Variants in GPATCH2 observed in about 807,000 individuals in gnomAD.
GPATCH2 encodes the protein G-patch domain containing 2.
In GPATCH2, 51 loss-of-function variants were observed where a neutral mutation model predicts 58.0. The ratio of observed to expected loss-of-function variants is 0.88; its 90% CI spans 0.70 to 1.11. GPATCH2 has a LOEUF of 1.11. GPATCH2 is among the 50% of genes most tolerant of loss of function. The pLI, the probability that GPATCH2 is intolerant of heterozygous loss-of-function variation, is 0.00. For missense variants in GPATCH2, 625 were observed against 652.2 expected (o/e 0.96, Z 0.45); for synonymous variants, 222 against 218.5 (o/e 1.02, Z -0.14).
intron 5 of GPATCH2, among the ~76,000 whole-genome samples, chr1:217,550,906 TTAAGA>T (rs1440803336): frequency 6.6e-6 from 1 of 150,446 alleles, no homozygotes; most frequent in Non-Finnish European, 1.5e-5. Context: ...CATGCAATAA[TTAAGA>T]TAAGTAATTA....
rs1663045150 is a variant in GPATCH2 at position 217,514,845 on chromosome 1, A to T, written c.1143T>A (p.Phe381Leu). ...GPVGNKRMVH[F>L]SPDSHHHDHW... is the part of the protein sequence containing the mutation. ...ACTCATGGTGATGAGAATCCGGGGA[A>T]AAATGAACCATTCTCTTGTTACCCA... Residue 381 changes from phenylalanine (F) to leucine (L), a missense_variant, in exon 6 of 10, where the codon TTT (phenylalanine) becomes TTA (leucine). By Grantham distance (22) the Phe-to-Leu change is conservative. Coordinates refer to ENST00000366935, the MANE Select transcript of GPATCH2 (RefSeq NM_018040.5). 2 of 1,530,570 alleles carry T rather than the reference A, an allele frequency of 1.3e-6. No homozygotes were observed. The highest frequency in any genetic ancestry group is 1.8e-6 in the Non-Finnish European group (2 of 1,104,088). The allele number at this position is 1,530,570 out of a possible 1,614,324, so 94.8% of individuals were successfully genotyped here. A position where few individuals can be genotyped will look rare whatever the true frequency, so the allele number is the denominator to read the frequency against.
At chr1:217,533,409 A>G (rs1016717052) in intron 5 of GPATCH2, among the ~76,000 whole-genome samples, 2 of 152,204 alleles carry the variant, frequency 1.3e-5, no homozygotes, top group African/African-American at 2.4e-5. Flanking sequence ...GTGAAAAAAT[A>G]AAGGTGAAAA....
chr1:217,494,755 A>G (rs775797302), intron 7 of GPATCH2, among the ~76,000 whole-genome samples: 4 of 152,014 alleles, frequency 2.6e-5, no homozygotes, highest in Non-Finnish European at 5.9e-5. Context: ...AAAAAAAAAG[A>G]AGACTCCCAA....
intron 6 of GPATCH2, among the ~76,000 whole-genome samples, chr1:217,502,369 T>C (rs1662350083): frequency 6.6e-6 from 1 of 152,036 alleles, no homozygotes; most frequent in African/African-American, 2.4e-5. Flanking sequence ...GTCTCTTCAT[T>C]TTTGTAGATC....
intron 2 of GPATCH2, among the ~76,000 whole-genome samples, chr1:217,618,368 C>T (rs139011046): frequency 4.0e-5 from 6 of 151,818 alleles, no homozygotes; most frequent in East Asian, 3.9e-4. Context: ...TCACCACACT[C>T]GGCTAATTTT....
intron 3 of GPATCH2, among the ~76,000 whole-genome samples, chr1:217,612,691 A>G (rs569842565): frequency 6.6e-6 from 1 of 152,288 alleles, no homozygotes; most frequent in African/African-American, 2.4e-5. Flanking sequence ...TATTACAGAA[A>G]AATAAAGTTA....
chr1:217,571,241 C>T (rs914629680), intron 5 of GPATCH2, among the ~76,000 whole-genome samples: 1 of 152,118 alleles, frequency 6.6e-6, no homozygotes, highest in African/African-American at 2.4e-5. Flanking sequence ...AACATACACA[C>T]ACTCTCTCTT....
chr1:217,610,815 T>C, intron 4 of GPATCH2, 74 bp downstream of exon 4: 1 of 1,044,096 alleles, frequency 9.6e-7, no homozygotes, highest in Non-Finnish European at 1.4e-6. Context: ...CCACTTTATC[T>C]TATCCTCCTT....
In GPATCH2 at chr1:217,530,201, C is replaced by T. The variant is rs568794408; in HGVS notation, c.1099-15312G>A. ...GTGGATTTCATCATTTTTTCCCCTC[C>T]AGTATAAAGTAGTTCTTAATAATGG... On this transcript the variant is annotated intron_variant, in intron 5 of 9. Transcript: ENST00000366935. 2.6e-5 allele frequency among the ~76,000 whole-genome samples: 4 copies of T among 152,226 alleles called. No homozygotes were observed. The South Asian group carries it at 8.3e-4, about 32-fold the overall frequency.
chr1:217,436,765 T>C (rs1658854334), intron 9 of GPATCH2, among the ~76,000 whole-genome samples: 1 of 152,182 alleles, frequency 6.6e-6, no homozygotes. Flanking sequence ...ATTTTGTAGA[T>C]GTAACTGATG....
At chr1:217,517,053 A>G (rs999507953) in intron 5 of GPATCH2, among the ~76,000 whole-genome samples, 56 of 152,344 alleles carry the variant, frequency 3.7e-4, no homozygotes, top group Middle Eastern at 3.4e-3. Flanking sequence ...TAAGCTTTCA[A>G]TCTAGTCAGA....
At chr1:217,549,512 C>T (rs1308612826) in intron 5 of GPATCH2, among the ~76,000 whole-genome samples, 1 of 151,574 alleles carries the variant, frequency 6.6e-6, no homozygotes, top group Non-Finnish European at 1.5e-5. Context: ...TATCTTCTTA[C>T]CTCTCCATCT....
At chr1:217,501,361 G>A (rs562080542) in intron 6 of GPATCH2, among the ~76,000 whole-genome samples, 1 of 152,226 alleles carries the variant, frequency 6.6e-6, no homozygotes, top group Admixed American at 6.5e-5. Context: ...AGACTTCTGA[G>A]TTATATCCAA....
chr1:217,447,290 A>C (rs1659434831), intron 9 of GPATCH2, among the ~76,000 whole-genome samples: 1 of 152,256 alleles, frequency 6.6e-6, no homozygotes, highest in East Asian at 1.9e-4. Flanking sequence ...TTAAGTCAGC[A>C]TATGCAATAG....
chr1:217,527,327 TTC>T (rs1663958967), intron 5 of GPATCH2, among the ~76,000 whole-genome samples: 1 of 152,146 alleles, frequency 6.6e-6, no homozygotes, highest in South Asian at 2.1e-4. Context: ...GATAACTCAC[TTC>T]CTGTGAGGTG....
intron 5 of GPATCH2, among the ~76,000 whole-genome samples, chr1:217,578,292 G>C (rs1325687038): frequency 6.6e-6 from 1 of 152,114 alleles, no homozygotes; most frequent in Non-Finnish European, 1.5e-5. Context: ...GCAGTGGCAT[G>C]ATCATAGCTC....
intron 5 of GPATCH2, among the ~76,000 whole-genome samples, chr1:217,599,389 C>G (rs979224006): frequency 6.6e-6 from 1 of 152,036 alleles, no homozygotes; most frequent in African/African-American, 2.4e-5. Context: ...GATACTACAC[C>G]AGGGTAGTGA....
chr1:217,523,439 A>G lies in GPATCH2; in HGVS notation c.1099-8550T>C, dbSNP rs575141302. On this transcript the variant is annotated intron_variant, in intron 5 of 9. Transcript: ENST00000366935. ...GCACAACTTGCACCGCCCTTAATCC[A>G]TTTAACCCTGAGTGGACACAGCACA... is the stretch of plus-strand genomic sequence containing the variant. 3.2e-4 allele frequency among the ~76,000 whole-genome samples: 48 copies of G among 151,798 alleles called. 3 individuals carry two copies. The highest frequency in any genetic ancestry group is 1.0e-3 in the African/African-American group (41 of 41,108).
At chr1:217,611,454 T>G (rs1668628521) in intron 3 of GPATCH2, among the ~76,000 whole-genome samples, 1 of 152,126 alleles carries the variant, frequency 6.6e-6, no homozygotes, top group Non-Finnish European at 1.5e-5. Context: ...AAATATTATG[T>G]TTTAGAACCA....
Sources: allele counts gnomAD v4.1 joint callset (sites outside exome capture counted in the v4.1 genomes callset), GRCh38; gene constraint gnomAD v4.1.1; transcripts MANE v1.5; gene names NCBI Gene and HGNC (gene_info 2026-07-23, HGNC 2026-07-21).